Variants in TBATA observed in about 807,000 individuals in gnomAD.
TBATA encodes the protein thymus, brain and testes associated, also known as protein TBATA.
In TBATA, 47 loss-of-function variants were observed where a neutral mutation model predicts 38.7. The observed-to-expected ratio is 1.21, with a 90% CI of 0.96 to 1.55. The LOEUF (loss-of-function observed/expected upper bound fraction) is 1.55, where lower values mean the gene tolerates loss of function less well. Ranked by LOEUF, TBATA falls within the 40% of genes most tolerant of loss-of-function variation. TBATA has a pLI of 0.00. For synonymous variants in TBATA, 183 were observed against 170.5 expected (o/e 1.07, Z -0.57); for missense variants, 436 against 435.6 (o/e 1.00, Z -0.01).
rs776723435 is a variant in TBATA at position 70,777,238 on chromosome 10, C to T, written c.608G>A (p.Arg203His). The T allele has an allele frequency of 1.8e-5, 29 of 1,613,374 alleles. No individual in the cohort carries two copies. The highest frequency in any genetic ancestry group is 4.0e-5 in the African/African-American group (3 of 74,900). Residue 203 changes from arginine to histidine, a missense_variant, in exon 7 of 11, where the codon CGC becomes CAC. By Grantham distance (29) the Arg-to-His change is conservative. Coordinates refer to ENST00000456372, the MANE Select transcript of TBATA (RefSeq NM_001318241.2). Reference protein sequence around the residue: ...IPASTRAVGRRRSHQGQQSQS... With the variant: ...IPASTRAVGRHRSHQGQQSQS... ...ACTCTGCTGGCCCTGGTGAGATCTG[C>T]GGCGGCCGACAGCCCGGGTGGAAGC...
intron 7 of TBATA, 35 bp from the exon 8 acceptor site, chr10:70,775,305 G>A (rs1212612671): frequency 2.5e-6 from 4 of 1,581,930 alleles, no homozygotes; most frequent in Non-Finnish European, 2.6e-6. Context: ...CCAGCCAGGA[G>A]TACAGGCAAG....
intron 9 of TBATA, among the ~76,000 whole-genome samples, chr10:70,773,816 A>G (rs1299111970): frequency 1.3e-5 from 2 of 152,206 alleles, no homozygotes; most frequent in African/African-American, 4.8e-5. Flanking sequence ...CCAGTTCGTA[A>G]TTAATCTTTC....
At chr10:70,779,983 C>G (rs1843962639) in intron 4 of TBATA, among the ~76,000 whole-genome samples, 1 of 152,164 alleles carries the variant, frequency 6.6e-6, no homozygotes, top group South Asian at 2.1e-4. Flanking sequence ...GTGATTTGGG[C>G]AGAGGTGAGA....
chr10:70,773,947 C>T (rs1383998167), intron 9 of TBATA, among the ~76,000 whole-genome samples: 2 of 152,232 alleles, frequency 1.3e-5, no homozygotes, highest in East Asian at 3.8e-4. Flanking sequence ...GTGGCTAATC[C>T]AGCCTTATCT....
chr10:70,774,413 G>C, intron 8 of TBATA, 56 bp from the exon 9 acceptor site: 1 of 1,514,768 alleles, frequency 6.6e-7, no homozygotes, highest in South Asian at 1.2e-5. Context: ...TCCTGTCCCT[G>C]TGGCGGGGCC....
intron 7 of TBATA, chr10:70,776,346 C>A: frequency 2.2e-6 from 1 of 456,392 alleles, no homozygotes; most frequent in Non-Finnish European, 4.4e-6. Context: ...CCCCTCCCCA[C>A]AGGACCTGAG....
In TBATA at chr10:70,779,852, T is replaced by TA; in HGVS notation, c.278-111dup. Reference sequence around the variant, plus strand: ...GTGATTCCGGCTCCACCTCTTCCAGTAACCACCAGCTGATAGATTATCAGA... The same window carrying TA: ...GTGATTCCGGCTCCACCTCTTCCAGTAAACCACCAGCTGATAGATTATCAGA... On this transcript the variant is annotated intron_variant, in intron 4 of 10. Coordinates refer to ENST00000456372, the MANE Select transcript of TBATA (RefSeq NM_001318241.2). 4.4e-6 allele frequency: 5 copies of TA among 1,145,248 alleles called. No individual in the cohort carries two copies. The Middle Eastern group carries it at 8.2e-4, about 187-fold the overall frequency. 70.9% of individuals were successfully genotyped at this position (1,145,248 alleles called of 1,614,324 possible). A position where few individuals can be genotyped will look rare whatever the true frequency, so the allele number is the denominator to read the frequency against.
At chr10:70,782,712 C>A (rs763247341) in intron 3 of TBATA, 62 of 896,990 alleles carry the variant, frequency 6.9e-5, no homozygotes, top group Non-Finnish European at 7.9e-5. Context: ...TACCCCACAC[C>A]CCTCCCCTTC....
chr10:70,773,764 G>T (rs938598217), intron 9 of TBATA, among the ~76,000 whole-genome samples: 3 of 152,216 alleles, frequency 2.0e-5, no homozygotes, highest in African/African-American at 7.2e-5. Flanking sequence ...CAGTGGCCTT[G>T]CTGACTCTCA....
intron 3 of TBATA, 36 bp downstream of exon 3, chr10:70,783,303 C>A (rs1844488237): frequency 6.2e-7 from 1 of 1,613,702 alleles, no homozygotes; most frequent in Non-Finnish European, 8.5e-7. Context: ...ACCCCAAGCC[C>A]TCCTCAGTCA....
intron 7 of TBATA, 142 bp from the exon 8 acceptor site, chr10:70,775,412 G>C (rs1589381730): frequency 3.1e-6 from 2 of 650,914 alleles, no homozygotes; most frequent in Admixed American, 2.3e-5. Flanking sequence ...GTTCCCACAA[G>C]GGTCTGTGCC....
chr10:70,782,817 C>A (rs1844420272), intron 3 of TBATA, among the ~76,000 whole-genome samples: 3 of 152,206 alleles, frequency 2.0e-5, no homozygotes, highest in African/African-American at 4.8e-5. Flanking sequence ...CCTGCCTGAT[C>A]GCTGTCTGCA....
intron 9 of TBATA, among the ~76,000 whole-genome samples, chr10:70,773,504 T>G (rs1843002968): frequency 6.6e-6 from 1 of 151,662 alleles, no homozygotes; most frequent in East Asian, 2.0e-4. Context: ...GTTAGAATCT[T>G]TAGGGGTCTG....
chr10:70,777,008 C>G, intron 7 of TBATA, 145 bp downstream of exon 7: 1 of 786,454 alleles, frequency 1.3e-6, no homozygotes, highest in Non-Finnish European at 1.9e-6. Context: ...GGTCATAGCC[C>G]CTGCTGCTGA....
intron 6 of TBATA, among the ~76,000 whole-genome samples, chr10:70,778,117 C>T (rs2254535): frequency 0.89 from 134,684 of 152,166 alleles, 59,818 homozygotes; most frequent in Non-Finnish European, 0.93. Flanking sequence ...GAAAACCTTC[C>T]GAGATTCTCT....
intron 3 of TBATA, chr10:70,782,275 G>A (rs1487535691): frequency 1.2e-5 from 18 of 1,484,476 alleles, no homozygotes; most frequent in Admixed American, 2.0e-5. Flanking sequence ...TCCATTTGAG[G>A]GAACTCAGAC....
chr10:70,782,653 GCT>G (rs1844397426), intron 3 of TBATA: 1 of 985,338 alleles, frequency 1.0e-6, no homozygotes, highest in Non-Finnish European at 1.2e-6. Context: ...GAAGCTTCAA[GCT>G]CTGTTTTGCT....
rs142197079 is a variant in TBATA, at chr10:70,781,938, A to G, written c.140T>C (p.Val47Ala). The change falls in exon 4 of 11, where the codon GTG becomes GCG. Residue 47 changes from valine (V) to alanine (A), a missense_variant. By Grantham distance (64) the Val-to-Ala change is moderately conservative. Coordinates refer to ENST00000456372, the MANE Select transcript of TBATA (RefSeq NM_001318241.2). ...PQKELVIPGI[V>A]DFERIRRALR... Reference sequence around the variant, plus strand: ...TGCCCGGCGGATCCGCTCGAAATCCACAATCCCTGGGATCACCAGTTCTTT... The same window carrying G: ...TGCCCGGCGGATCCGCTCGAAATCCGCAATCCCTGGGATCACCAGTTCTTT... The G allele has an allele frequency of 4.2e-5, 68 of 1,614,198 alleles. No individual in the cohort carries two copies. Among genetic ancestry groups the G allele is most frequent in the Admixed American group, 6.7e-5 (4 of 60,030 alleles).
chr10:70,771,888 G>A (rs1245620760), intron 10 of TBATA, among the ~76,000 whole-genome samples: 4 of 152,070 alleles, frequency 2.6e-5, no homozygotes, highest in Non-Finnish European at 5.9e-5. Flanking sequence ...CATAGTCCGT[G>A]CTGCACACAG....
Sources: gnomAD v4.1 joint callset for allele counts (sites outside exome capture counted in the v4.1 genomes callset) on GRCh38, gnomAD v4.1.1 for gene constraint, MANE v1.5 for transcripts, NCBI Gene and HGNC (gene_info 2026-07-23, HGNC 2026-07-21) for gene names.